TRMT10B: variants seen among roughly 807,000 people sequenced by gnomAD.
TRMT10B encodes tRNA methyltransferase 10B.
Under a neutral mutation model 43.8 loss-of-function variants are expected in TRMT10B, and 33 were observed. The ratio of observed to expected loss-of-function variants is 0.75; its 90% CI spans 0.57 to 1.01. The LOEUF (loss-of-function observed/expected upper bound fraction) is 1.01, where lower values mean the gene tolerates loss of function less well. Among genes scored for constraint, TRMT10B ranks in the 50% least tolerant of loss-of-function variants. TRMT10B has a pLI of 0.00. For synonymous variants in TRMT10B, 137 were observed against 130.6 expected, an observed-to-expected ratio of 1.05 and a Z score of -0.34; for missense variants, 362 against 369.8, an observed-to-expected ratio of 0.98 and a Z score of 0.17.
At chr9:37,771,879 T>C (rs1322741823) in intron 7 of TRMT10B, among the ~76,000 whole-genome samples, 1 of 145,184 alleles carries the variant, frequency 6.9e-6, no homozygotes, top group Non-Finnish European at 1.5e-5. Context: ...AGAAAATGTT[T>C]TTTTTTTTTC....
At chr9:37,764,315 A>ATTTTTTTTTTT (rs753115932) in intron 4 of TRMT10B, among the ~76,000 whole-genome samples, 1 of 110,582 alleles carries the variant, frequency 9.0e-6, no homozygotes. Flanking sequence ...CGCCTGACAA[A>ATTTTTTTTTTT]TTTTTTTTTT....
Position 37,776,362 on chromosome 9 carries a change from G to C in TRMT10B, c.801G>C (p.Gln267His). 6.2e-7 allele frequency: 1 copy of C among 1,612,548 alleles called. No homozygotes were observed. Reference protein sequence around the residue: ...LPIQEYMVRNQNGKNYHSEIL... With the variant: ...LPIQEYMVRNHNGKNYHSEIL... ...TCCAGGAATACATGGTCAGAAACCA[G>C]AATGGGAAAAACTATCATTCAGAGA... Residue 267 changes from glutamine (Q) to histidine (H), a missense_variant, in exon 8 of 9, where the codon CAG becomes CAC. Physicochemically the swap from Gln to His is conservative, Grantham distance 24. Transcript: ENST00000297994.
At position 37,761,970 on chromosome 9, in the gene TRMT10B, G is replaced by C; in HGVS notation, c.39G>C (p.Glu13Asp). 6.2e-7 allele frequency: 1 copy of C among 1,613,940 alleles called. No individual in the cohort carries two copies. The change falls in exon 2 of 9, where the codon GAG (glutamate) becomes GAC (aspartate). Residue 13 changes from glutamate (E) to aspartate (D), a missense_variant. Physicochemically the swap from Glu to Asp is conservative, Grantham distance 45. Transcript: ENST00000297994. The part of the protein sequence containing the change: ...WKLEGSTQKV[E>D]SPVLQGQEGI... Reference sequence around the variant, plus strand: ...TGGAAGGGAGTACTCAGAAAGTAGAGTCACCTGTGCTGCAGGGGCAAGAAG... The same window carrying C: ...TGGAAGGGAGTACTCAGAAAGTAGACTCACCTGTGCTGCAGGGGCAAGAAG...
At position 37,761,907 on chromosome 9, in the gene TRMT10B, G is replaced by A; in HGVS notation, c.-25G>A. Reference sequence around the variant, plus strand: ...CATAATTGTGCCTTTTTCCAGTCTGGTGGAAAGGACAGAGGACTAAGTCCA... The same window carrying A: ...CATAATTGTGCCTTTTTCCAGTCTGATGGAAAGGACAGAGGACTAAGTCCA... On this transcript the variant is annotated 5_prime_UTR_variant, in exon 2 of 9. It adds an upstream start codon to the 5' untranslated region. Transcript: ENST00000297994. 1 of 1,586,976 alleles carries A rather than the reference G, an allele frequency of 6.3e-7. No homozygotes were observed. Among genetic ancestry groups the A allele is most frequent in the East Asian group, 2.3e-5 (1 of 44,346 alleles).
intron 1 of TRMT10B, among the ~76,000 whole-genome samples, chr9:37,756,020 T>C (rs1825635332): frequency 6.6e-6 from 1 of 152,178 alleles, no homozygotes; most frequent in African/African-American, 2.4e-5. Flanking sequence ...CTAGATCTCT[T>C]TTCCCCTCCT....
rs1828415678 is a variant in TRMT10B, at chr9:37,778,484, G to A, written c.*777G>A. 4 of 151,706 alleles carry A rather than the reference G, an allele frequency of 2.6e-5. No individual in the cohort carries two copies. The highest frequency in any genetic ancestry group is 2.6e-4 in the Admixed American group (4 of 15,222). The allele number at this position is 151,706 out of a possible 1,614,324, so 9.4% of individuals were successfully genotyped here. Reference sequence around the variant, plus strand: ...GAGCCAAGATCCAGCCTGGGCGACAGAGCCAGACTCTTGTCTCGAGGGGAA... The same window carrying A: ...GAGCCAAGATCCAGCCTGGGCGACAAAGCCAGACTCTTGTCTCGAGGGGAA... On this transcript the variant is annotated 3_prime_UTR_variant, in exon 9 of 9. Transcript: ENST00000297994.
Position 37,763,153 on chromosome 9 carries a change from A to AC in TRMT10B, c.295+468_295+469insC, listed in dbSNP as rs1554676643. 6.8e-5 allele frequency among the ~76,000 whole-genome samples: 8 copies of AC among 117,590 alleles called. No individual in the cohort carries two copies. The East Asian group carries it at 1.9e-3, about 28-fold the overall frequency. The allele number at this position is 117,590 out of a possible 152,430, so 77.1% of individuals were successfully genotyped here. On this transcript the variant is annotated intron_variant, in intron 3 of 8. Transcript: ENST00000297994. ...AGTGAGACTCTGTCTCAAAAAAAAA[A>AC]AAAAAAAAAAAACAAAAAAAAAAAT...
chr9:37,766,796 C>T (rs1563995852), intron 4 of TRMT10B, among the ~76,000 whole-genome samples: 1 of 152,196 alleles, frequency 6.6e-6, no homozygotes, highest in African/African-American at 2.4e-5. Context: ...TCCTTCACAT[C>T]CCTTGTAAGC....
intron 7 of TRMT10B, among the ~76,000 whole-genome samples, chr9:37,772,776 G>A (rs1025554448): frequency 1.3e-5 from 2 of 152,122 alleles, no homozygotes; most frequent in Non-Finnish European, 2.9e-5. Flanking sequence ...CTTGAGGCCA[G>A]GAGTTTGAGA....
intron 4 of TRMT10B, among the ~76,000 whole-genome samples, chr9:37,766,739 CCT>C (rs1445753497): frequency 6.6e-6 from 1 of 152,140 alleles, no homozygotes; most frequent in African/African-American, 2.4e-5. Context: ...TTGTTTGTAT[CCT>C]CTTTTATTTC....
At chr9:37,753,213 A>G (rs1230686818), upstream of TRMT10B, among the ~76,000 whole-genome samples, 1 of 152,252 alleles carries the variant, frequency 6.6e-6, no homozygotes, top group Non-Finnish European at 1.5e-5. Flanking sequence ...TAAGAATTGT[A>G]ACACCGCGAT....
intron 1 of TRMT10B, among the ~76,000 whole-genome samples, chr9:37,754,536 C>T (rs1378279401): frequency 6.6e-6 from 1 of 152,042 alleles, no homozygotes; most frequent in East Asian, 1.9e-4. Context: ...TGGTGATCAT[C>T]AAATACTTAG....
chr9:37,755,137 TGGC>T (rs1442897593), intron 1 of TRMT10B, among the ~76,000 whole-genome samples: 1 of 152,188 alleles, frequency 6.6e-6, no homozygotes, highest in East Asian at 1.9e-4. Context: ...CCGGACATGG[TGGC>T]GGGTGCCTGT....
At position 37,772,044 on chromosome 9, in the gene TRMT10B, C is replaced by T. The variant is rs111506239; in HGVS notation, c.720+1305C>T. ...TTAATTTTTTTGAGACATGGTCTCA[C>T]TCTGTTGCCCAGGCTGGAGTGCAGT... is the stretch of plus-strand genomic sequence containing the variant. On this transcript the variant is annotated intron_variant, in intron 7 of 8. Transcript: ENST00000297994. Among the ~76,000 whole-genome samples, 1,288 of 152,274 alleles carry T rather than the reference C, an allele frequency of 8.5e-3. 7 individuals are homozygous for T. The highest frequency in any genetic ancestry group is 0.014 in the Non-Finnish European group (962 of 68,014).
chr9:37,769,809 C>T, intron 5 of TRMT10B, 132 bp from the exon 6 acceptor site: 1 of 746,918 alleles, frequency 1.3e-6, no homozygotes. Context: ...CACCATGTTG[C>T]CCAGTCTGGT....
At position 37,777,588 on chromosome 9, in the gene TRMT10B, T is replaced by C; in HGVS notation, c.845-13T>C. 2 of 1,597,400 alleles carry C rather than the reference T, an allele frequency of 1.3e-6. No individual in the cohort carries two copies. The highest frequency in any genetic ancestry group is 1.7e-6 in the Non-Finnish European group (2 of 1,165,590). ...CTCTGTGGTCACTGTGTTTTCTGTT[T>C]ACTCTCTAACAGTGTTTGATATCCT... On this transcript the variant is annotated splice_polypyrimidine_tract_variant and intron_variant, in intron 8 of 8. Transcript: ENST00000297994.
intron 5 of TRMT10B, chr9:37,769,617 G>GT (rs1190110711): frequency 2.8e-5 from 7 of 251,728 alleles, no homozygotes; most frequent in African/African-American, 9.0e-5. Flanking sequence ...TTTTGAGCGG[G>GT]GTTTTTTTTT....
Position 37,776,324 on chromosome 9 carries a change from G to T in TRMT10B, c.763G>T (p.Ala255Ser). Reference protein sequence around the residue: ...QKAREYSVKTARLPIQEYMVR... With the variant: ...QKAREYSVKTSRLPIQEYMVR... The stretch of plus-strand genomic sequence containing the variant: ...GGCCCGGGAATACTCTGTCAAGACC[G>T]CACGCTTGCCAATCCAGGAATACAT... The change falls in exon 8 of 9, where the codon GCA becomes TCA. Residue 255 changes from alanine (A) to serine (S), a missense_variant. Physicochemically the swap from Ala to Ser is moderately conservative, Grantham distance 99. Coordinates refer to ENST00000297994, the MANE Select transcript of TRMT10B (RefSeq NM_144964.4). 1 of 1,610,312 alleles carries T rather than the reference G, an allele frequency of 6.2e-7. No homozygotes were observed. The highest frequency in any genetic ancestry group is 2.2e-5 in the East Asian group (1 of 44,524).
At chr9:37,770,527 T>A (rs1827455843) in intron 6 of TRMT10B, 145 bp from the exon 7 acceptor site, 1 of 775,962 alleles carries the variant, frequency 1.3e-6, no homozygotes, top group Non-Finnish European at 2.0e-6. Flanking sequence ...TTTTAGAAAA[T>A]TAGCTTTTGG....
Sources: gnomAD v4.1 joint callset for allele counts (sites outside exome capture counted in the v4.1 genomes callset) on GRCh38, gnomAD v4.1.1 for gene constraint, MANE v1.5 for transcripts, NCBI Gene and HGNC (gene_info 2026-07-23, HGNC 2026-07-21) for gene names.